Variants in GLI2 observed in about 807,000 individuals in gnomAD.
GLI2 encodes GLI family zinc finger 2, also known as transcription activator GLI2.
Under a neutral mutation model 78.9 loss-of-function variants are expected in GLI2, and 22 were observed. The ratio of observed to expected loss-of-function variants is 0.28; its 90% confidence interval spans 0.20 to 0.40. GLI2 has a LOEUF of 0.40. Ranked by LOEUF, GLI2 falls within the 10% of genes least tolerant of loss-of-function variation. GLI2 has a pLI of 1.00. For synonymous variants in GLI2, 974 were observed against 963.7 expected (o/e 1.01, Z -0.20); for missense variants, 2,097 against 2,213.2 (o/e 0.95, Z 1.05).
Position 120,815,438 on chromosome 2 carries a change from C to T in GLI2, c.148+17970C>T, listed in dbSNP as rs556820498. On this transcript the variant is annotated intron_variant, in intron 2 of 13. Transcript: ENST00000361492. ...GAGTAAAAGCTGACTTGCTACCATG[C>T]AGACAGCATTGCCTGCCCCGCCAGC... Among the ~76,000 whole-genome samples, 5 of 152,258 alleles carry T rather than the reference C, an allele frequency of 3.3e-5. No individual in the cohort carries two copies. In the South Asian group the frequency reaches 1.0e-3, roughly 32 times the overall value.
chr2:120,752,199 A>G (rs1682892998), intron 1 of GLI2, among the ~76,000 whole-genome samples: 1 of 151,406 alleles, frequency 6.6e-6, no homozygotes, highest in Non-Finnish European at 1.5e-5. Flanking sequence ...TTGGCATTCT[A>G]TCCACGTGTG....
Position 120,942,323 on chromosome 2 carries a change from C to T in GLI2, c.255-8920C>T, listed in dbSNP as rs116774890. On this transcript the variant is annotated intron_variant, in intron 3 of 13. Transcript: ENST00000361492. The stretch of plus-strand genomic sequence containing the variant: ...CAGGGCTGTGCACCCTCAGAGACCC[C>T]CAGGGGAGACTCTGTCCTTGCCTTT... Among the ~76,000 whole-genome samples, 444 of 152,286 alleles carry T rather than the reference C, an allele frequency of 2.9e-3. 1 individual carries two copies. Among genetic ancestry groups the T allele is most frequent in the African/African-American group, 0.01 (432 of 41,548 alleles).
intron 1 of GLI2, among the ~76,000 whole-genome samples, chr2:120,775,779 CTA>C (rs1683658862): frequency 6.6e-6 from 1 of 152,220 alleles, no homozygotes; most frequent in Non-Finnish European, 1.5e-5. Flanking sequence ...GCTTCCTCAC[CTA>C]TAAGGTGGGA....
intron 2 of GLI2, among the ~76,000 whole-genome samples, chr2:120,870,142 C>T (rs546693747): frequency 2.0e-5 from 3 of 152,324 alleles, no homozygotes; most frequent in Admixed American, 1.3e-4. Flanking sequence ...CTTGCCCCTT[C>T]GTCCAGACAC....
chr2:120,852,466 G>A (rs1473918741), intron 2 of GLI2, among the ~76,000 whole-genome samples: 1 of 152,204 alleles, frequency 6.6e-6, no homozygotes, highest in African/African-American at 2.4e-5. Context: ...AGGACCCCCA[G>A]ATGATATGTC....
chr2:120,852,303 C>A (rs926734591), intron 2 of GLI2, among the ~76,000 whole-genome samples: 7 of 152,184 alleles, frequency 4.6e-5, no homozygotes, highest in African/African-American at 1.7e-4. Context: ...GAGAGTCGTT[C>A]CCCATGCAGC....
intron 2 of GLI2, among the ~76,000 whole-genome samples, chr2:120,860,759 G>T (rs1298030828): frequency 1.3e-5 from 2 of 152,182 alleles, no homozygotes; most frequent in Non-Finnish European, 2.9e-5. Context: ...ACAGGGAGCC[G>T]TCTGGGACTC....
chr2:120,772,008 G>A (rs1350245006), intron 1 of GLI2, among the ~76,000 whole-genome samples: 2 of 152,176 alleles, frequency 1.3e-5, no homozygotes, highest in Non-Finnish European at 2.9e-5. Context: ...AATGCTATGA[G>A]GTCATGCTAC....
In GLI2 at chr2:120,988,306, A is replaced by C; in HGVS notation, c.2341A>C (p.Met781Leu). 6.4e-7 allele frequency: 1 copy of C among 1,563,882 alleles called. No individual in the cohort carries two copies. Among genetic ancestry groups the C allele is most frequent in the Non-Finnish European group, 8.6e-7 (1 of 1,160,390 alleles). The change falls in exon 14 of 14, where the codon ATG becomes CTG. Residue 781 changes from methionine (M) to leucine (L), a missense_variant. Coordinates refer to ENST00000361492, the MANE Select transcript of GLI2 (RefSeq NM_001374353.1). ...GGAGCTGTCCGCGAGCGAGGTGACC[A>C]TGCTGAGCCAGCTGCAGGAGCGCCG... ...LSELSASEVT[M>L]LSQLQERRDS...
At chr2:120,914,916 CTA>C (rs1490221416) in intron 2 of GLI2, among the ~76,000 whole-genome samples, 1 of 152,248 alleles carries the variant, frequency 6.6e-6, no homozygotes, top group Non-Finnish European at 1.5e-5. Flanking sequence ...CAACAGGACA[CTA>C]TGCCGCCTCT....
chr2:120,972,188 C>G, intron 8 of GLI2, 125 bp downstream of exon 8: 1 of 1,054,142 alleles, frequency 9.5e-7, no homozygotes, highest in Non-Finnish European at 1.4e-6. Flanking sequence ...ATGAGTGACC[C>G]AGGGAGGACT....
intron 2 of GLI2, among the ~76,000 whole-genome samples, chr2:120,841,309 AG>A (rs1686858219): frequency 6.6e-6 from 1 of 152,172 alleles, no homozygotes; most frequent in East Asian, 1.9e-4. Flanking sequence ...ACGAGGACCA[AG>A]GCTTCTACGC....
At chr2:120,774,141 G>A (rs10176239) in intron 1 of GLI2, among the ~76,000 whole-genome samples, 5,532 of 152,140 alleles carry the variant, frequency 0.036, 293 homozygotes, top group African/African-American at 0.12. Flanking sequence ...CCTGCTGTCT[G>A]TCCAGATCTC....
intron 3 of GLI2, among the ~76,000 whole-genome samples, chr2:120,942,393 C>T (rs1263181103): frequency 6.6e-6 from 1 of 152,192 alleles, no homozygotes; most frequent in Non-Finnish European, 1.5e-5. Flanking sequence ...CTGGCCATTT[C>T]CCTGTAGTCT....
chr2:120,751,398 G>A (rs1028938854), intron 1 of GLI2, among the ~76,000 whole-genome samples: 9 of 151,476 alleles, frequency 5.9e-5, no homozygotes, highest in Non-Finnish European at 8.8e-5. Context: ...TTTGCATCTC[G>A]TACTTTTTAC....
In GLI2 at chr2:120,954,186, G is replaced by A. The variant is rs188362793; in HGVS notation, c.458-1059G>A. Among the ~76,000 whole-genome samples the A allele has an allele frequency of 1.6e-4, 24 of 152,336 alleles. No individual in the cohort carries two copies. In the East Asian group the frequency reaches 4.6e-3, roughly 29 times the overall value. On this transcript the variant is annotated intron_variant, in intron 4 of 13. Transcript: ENST00000361492. The stretch of plus-strand genomic sequence containing the variant: ...TGCCCTGCTCGGTATCAGCCCCAGA[G>A]CCTGCCATGTGAGGTTAGGAAGCTC...
intron 3 of GLI2, among the ~76,000 whole-genome samples, chr2:120,942,050 A>C (rs1465349640): frequency 6.6e-6 from 1 of 152,190 alleles, no homozygotes; most frequent in Non-Finnish European, 1.5e-5. Context: ...TATTCCGAGC[A>C]ATAAATAGGA....
At chr2:120,956,123 CG>C (rs1681249632) in intron 5 of GLI2, among the ~76,000 whole-genome samples, 1 of 152,072 alleles carries the variant, frequency 6.6e-6, no homozygotes. Flanking sequence ...GGGGGCAAGA[CG>C]GAGGCAGGAG....
chr2:120,970,064 G>C (rs1391234387), intron 6 of GLI2, among the ~76,000 whole-genome samples: 1 of 152,190 alleles, frequency 6.6e-6, no homozygotes, highest in Non-Finnish European at 1.5e-5. Context: ...CACGTAGTCA[G>C]GGAGCAGCGA....
Sources: gnomAD v4.1 joint callset for allele counts (sites outside exome capture counted in the v4.1 genomes callset) on GRCh38, gnomAD v4.1.1 for gene constraint, MANE v1.5 for transcripts, NCBI Gene and HGNC (gene_info 2026-07-23, HGNC 2026-07-21) for gene names.